CDKL4: variants seen among roughly 807,000 people sequenced by gnomAD.
CDKL4 encodes the protein cyclin dependent kinase like 4.
A neutral mutation model predicts 42.0 loss-of-function variants in CDKL4; 44 were observed. The observed-to-expected ratio is 1.05, with a 90% CI of 0.82 to 1.35. The LOEUF (loss-of-function observed/expected upper bound fraction) is 1.35, where lower values mean the gene tolerates loss of function less well. CDKL4 is among the 40% of genes most tolerant of loss of function. The probability of loss-of-function intolerance (pLI) is 0.00; values close to 1 mark genes in which losing one functional copy is unlikely to be tolerated. For missense variants in CDKL4, 393 were observed against 369.9 expected (o/e 1.06, Z -0.51); for synonymous variants, 120 against 121.6 (o/e 0.99, Z 0.09).
At chr2:39,178,745 A>AAGGTTCCCACCAAT in intron 9 of CDKL4, 1 of 1,605,504 alleles carries the variant, frequency 6.2e-7, no homozygotes, top group Non-Finnish European at 8.5e-7. Context: ...TAGGAAAGGC[A>AAGGTTCCCACCAAT]GACTTAGGTG....
intron 5 of CDKL4, among the ~76,000 whole-genome samples, chr2:39,198,579 C>A (rs1359233044): frequency 3.3e-5 from 5 of 151,916 alleles, no homozygotes; most frequent in African/African-American, 1.2e-4. Flanking sequence ...CAAGATAGAC[C>A]ATATAATAGG....
chr2:39,185,346 ACATATG>A lies in CDKL4; in HGVS notation c.736-705_736-700del, dbSNP rs1236993979. Among the ~76,000 whole-genome samples the A allele has an allele frequency of 3.0e-4, 28 of 92,414 alleles. 9 individuals carry two copies. The highest frequency in any genetic ancestry group is 1.1e-3 in the African/African-American group (27 of 24,144). 60.6% of individuals were successfully genotyped at this position (92,414 alleles called of 152,430 possible). A position where few individuals can be genotyped will look rare whatever the true frequency, so the allele number is the denominator to read the frequency against. Reference sequence around the variant, plus strand: ...TATATACACATATGTATATATATACACATATGTATATATACATATATATATACATAT... The same window carrying A: ...TATATACACATATGTATATATATACATATATATACATATATATATACATAT... On this transcript the variant is annotated intron_variant, in intron 7 of 9. Coordinates refer to ENST00000451199, the Ensembl canonical transcript of CDKL4.
At chr2:39,198,149 T>C (rs571122773) in intron 5 of CDKL4, among the ~76,000 whole-genome samples, 52 of 151,972 alleles carry the variant, frequency 3.4e-4, no homozygotes, top group Admixed American at 2.3e-3. Context: ...GAAAGGGTAT[T>C]CCATGCCAGT....
chr2:39,246,887 A>G (rs928756396), upstream of CDKL4, among the ~76,000 whole-genome samples: 2 of 152,104 alleles, frequency 1.3e-5, no homozygotes, highest in African/African-American at 4.8e-5. Context: ...AGCTGGGACT[A>G]TAGGCATGTG....
At chr2:39,173,685 C>A (rs1675060377), downstream of CDKL4, among the ~76,000 whole-genome samples, 1 of 151,974 alleles carries the variant, frequency 6.6e-6, no homozygotes, top group African/African-American at 2.4e-5. Flanking sequence ...TGGTGGGCGC[C>A]TGTAGTCCCA....
chr2:39,215,458 T>C (rs1677858741), intron 3 of CDKL4, among the ~76,000 whole-genome samples: 1 of 152,224 alleles, frequency 6.6e-6, no homozygotes, highest in Non-Finnish European at 1.5e-5. Context: ...GGCTGTTGTT[T>C]GTATATTTTT....
intron 3 of CDKL4, among the ~76,000 whole-genome samples, chr2:39,222,218 G>T (rs972605724): frequency 2.0e-5 from 3 of 152,126 alleles, no homozygotes; most frequent in Non-Finnish European, 4.4e-5. Flanking sequence ...ATTCAATGGG[G>T]ATTCAAAGGA....
intron 7 of CDKL4, among the ~76,000 whole-genome samples, chr2:39,184,932 G>C (rs1420505775): frequency 1.3e-5 from 2 of 151,422 alleles, no homozygotes; most frequent in Non-Finnish European, 2.9e-5. Context: ...ATGGGGTCTT[G>C]CTATGTTGCA....
intron 1 of CDKL4, among the ~76,000 whole-genome samples, chr2:39,236,106 C>A (rs1679354794): frequency 7.7e-6 from 1 of 130,476 alleles, no homozygotes. Context: ...GAGGGAATTT[C>A]AATCAGAAAA....
At chr2:39,233,394 A>T (rs1164440528) in intron 1 of CDKL4, among the ~76,000 whole-genome samples, 1 of 152,140 alleles carries the variant, frequency 6.6e-6, no homozygotes, top group Admixed American at 6.5e-5. Context: ...GACAAGAGGG[A>T]AGGGAAAGAC....
chr2:39,173,761 C>T (rs1172305441), downstream of CDKL4, among the ~76,000 whole-genome samples: 2 of 147,090 alleles, frequency 1.4e-5, no homozygotes, highest in Non-Finnish European at 3.0e-5. Context: ...TGCAGTGAGC[C>T]GAGATTGTGC....
chr2:39,244,245 C>G (rs1679810528), upstream of CDKL4, among the ~76,000 whole-genome samples: 1 of 152,368 alleles, frequency 6.6e-6, no homozygotes, highest in South Asian at 2.1e-4. Context: ...GGCCGGAGCC[C>G]ACTCCCTCAG....
intron 4 of CDKL4, among the ~76,000 whole-genome samples, chr2:39,212,871 G>C (rs1420409487): frequency 6.6e-6 from 1 of 151,620 alleles, no homozygotes; most frequent in Admixed American, 6.6e-5. Flanking sequence ...ATGTTGCCCA[G>C]GCTGGTCTTG....
At chr2:39,238,518 A>G (rs956773364) in intron 1 of CDKL4, among the ~76,000 whole-genome samples, 1 of 152,192 alleles carries the variant, frequency 6.6e-6, no homozygotes, top group Non-Finnish European at 1.5e-5. Context: ...ATTGAAACTA[A>G]GATTTATACG....
rs531018055 is a variant in CDKL4, at chr2:39,194,280, A to C, written c.455-3778T>G. ...GAGATGAGCCTGGGCCCCATGGTGA[A>C]ACACTGTGTCTACCAAAAATACAAA... is the stretch of plus-strand genomic sequence containing the variant. On this transcript the variant is annotated intron_variant, in intron 5 of 9. Transcript: ENST00000451199. Among the ~76,000 whole-genome samples the C allele has an allele frequency of 2.8e-4, 43 of 152,314 alleles. 1 individual carries two copies. Among genetic ancestry groups the C allele is most frequent in the Middle Eastern group, 6.8e-3 (2 of 294 alleles).
intron 1 of CDKL4, among the ~76,000 whole-genome samples, chr2:39,231,166 C>T (rs746282217): frequency 2.0e-5 from 3 of 152,020 alleles, no homozygotes; most frequent in Non-Finnish European, 4.4e-5. Context: ...GAGCTGAGAT[C>T]GCACCACTGC....
At chr2:39,189,388 CCT>C (rs1676038755) in intron 6 of CDKL4, among the ~76,000 whole-genome samples, 1 of 152,184 alleles carries the variant, frequency 6.6e-6, no homozygotes, top group African/African-American at 2.4e-5. Context: ...GCTCCCTAAG[CCT>C]CTGTTTCCTC....
chr2:39,228,887 T>TA (rs973374371), intron 2 of CDKL4, among the ~76,000 whole-genome samples: 2 of 152,118 alleles, frequency 1.3e-5, no homozygotes, highest in African/African-American at 4.8e-5. Context: ...AACCTTTATG[T>TA]AAAAAATGTG....
chr2:39,177,979 G>A (rs1362326512), intron 9 of CDKL4, among the ~76,000 whole-genome samples: 3 of 152,196 alleles, frequency 2.0e-5, no homozygotes, highest in Non-Finnish European at 2.9e-5. Flanking sequence ...GTGAGCCACC[G>A]CGCCAGCTGA....
Sources: gnomAD v4.1 joint callset for allele counts (sites outside exome capture counted in the v4.1 genomes callset) on GRCh38, gnomAD v4.1.1 for gene constraint, MANE v1.5 for transcripts, NCBI Gene and HGNC (gene_info 2026-07-23, HGNC 2026-07-21) for gene names.